Variants in HEPACAM2 observed in about 807,000 individuals in gnomAD.
HEPACAM2 encodes the protein HEPACAM family member 2, also known as mitotic kinetics regulator.
HEPACAM2 carries 49 observed loss-of-function variants against 49.6 expected under a neutral mutation model. That is an observed-to-expected ratio of 0.99 (90% CI 0.78 to 1.25). HEPACAM2 has a LOEUF of 1.25. Ranked by LOEUF, HEPACAM2 falls within the 50% of genes most tolerant of loss-of-function variation. HEPACAM2 has a pLI of 0.00. For synonymous variants in HEPACAM2, 197 were observed against 202.9 expected (o/e 0.97, Z 0.25); for missense variants, 525 against 557.2 (o/e 0.94, Z 0.58).
intron 7 of HEPACAM2, 38 bp downstream of exon 7, chr7:93,197,203 T>G (rs750609749): frequency 7.8e-6 from 12 of 1,542,914 alleles, no homozygotes; most frequent in Admixed American, 1.8e-5. Context: ...TTAACATACA[T>G]TAAAACTGAT....
chr7:93,204,032 A>C (rs538485291), intron 4 of HEPACAM2, among the ~76,000 whole-genome samples: 53 of 152,268 alleles, frequency 3.5e-4, no homozygotes, highest in Non-Finnish European at 6.6e-4. Context: ...AGTGAAATAC[A>C]TTTCCTAGAC....
In HEPACAM2 at chr7:93,215,489, T is replaced by C; in HGVS notation, c.627A>G (p.Val209=). ...TGTAATTCCCAATGTCTTCCTTGGTTACTGGAGCAATATGAAGGGTATTGT... is the reference window on the plus strand; with the variant it reads ...TGTAATTCCCAATGTCTTCCTTGGTCACTGGAGCAATATGAAGGGTATTGT... ...PQNNTLHIAP[V]TKEDIGNYSC... The change falls in exon 3 of 10, where the codon GTA becomes GTG. Residue 209 remains valine, a synonymous_variant. Coordinates refer to ENST00000394468, the MANE Select transcript of HEPACAM2 (RefSeq NM_001039372.4). The C allele has an allele frequency of 1.2e-6, 2 of 1,613,910 alleles. No homozygotes were observed. Among genetic ancestry groups the C allele is most frequent in the South Asian group, 2.2e-5 (2 of 91,076 alleles).
chr7:93,198,298 G>A (rs977160993), intron 4 of HEPACAM2, among the ~76,000 whole-genome samples: 1 of 151,914 alleles, frequency 6.6e-6, no homozygotes. Context: ...TGTTCTAAGG[G>A]TGCATGATAC....
At chr7:93,204,702 T>C (rs568999950) in intron 4 of HEPACAM2, among the ~76,000 whole-genome samples, 5 of 152,216 alleles carry the variant, frequency 3.3e-5, no homozygotes, top group African/African-American at 1.2e-4. Flanking sequence ...TTAAATTGGA[T>C]AGGTGATGAG....
intron 4 of HEPACAM2, among the ~76,000 whole-genome samples, chr7:93,200,564 G>A (rs377474266): frequency 2.0e-4 from 31 of 152,056 alleles, no homozygotes; most frequent in Non-Finnish European, 3.4e-4. Context: ...AAGTAAGATC[G>A]TTATTTACTC....
At chr7:93,195,982 T>G in intron 7 of HEPACAM2, 81 bp from the exon 8 acceptor site, 1 of 965,890 alleles carries the variant, frequency 1.0e-6, no homozygotes, top group Non-Finnish European at 1.6e-6. Context: ...AAACTTATCT[T>G]TATTGTCTGT....
intron 2 of HEPACAM2, among the ~76,000 whole-genome samples, chr7:93,217,343 A>G (rs2116709588): frequency 6.6e-6 from 1 of 152,310 alleles, no homozygotes; most frequent in Non-Finnish European, 1.5e-5. Flanking sequence ...TCAGATGAAG[A>G]AGTTTTTCTT....
chr7:93,195,818 G>A lies in HEPACAM2; in HGVS notation c.1275+10C>T, dbSNP rs1231697824. The A allele has an allele frequency of 6.2e-7, 1 of 1,609,742 alleles. No individual in the cohort carries two copies. Among genetic ancestry groups the A allele is most frequent in the Non-Finnish European group, 8.5e-7 (1 of 1,176,926 alleles). Reference sequence around the variant, plus strand: ...TACTTCTCGGTTAATCAGCCACTAGGAAAACCAACCCTGGAAACACCAGAA... The same window carrying A: ...TACTTCTCGGTTAATCAGCCACTAGAAAAACCAACCCTGGAAACACCAGAA... On this transcript the variant is annotated intron_variant, in intron 8 of 9. Transcript: ENST00000394468.
rs61024884 is a variant in HEPACAM2 at position 93,217,384 on chromosome 7, C to T, written c.431-1699G>A. On this transcript the variant is annotated intron_variant, in intron 2 of 9. Transcript: ENST00000394468. Reference sequence around the variant, plus strand: ...AAGAATTTTGGCATGGGGCCTAAAACCCTATTCAGGCTTTACTAAGTTTTT... The same window carrying T: ...AAGAATTTTGGCATGGGGCCTAAAATCCTATTCAGGCTTTACTAAGTTTTT... Among the ~76,000 whole-genome samples the T allele has an allele frequency of 8.4e-3, 1,284 of 152,222 alleles. 14 individuals are homozygous for T. Among genetic ancestry groups the T allele is most frequent in the African/African-American group, 0.029 (1,197 of 41,544 alleles).
At chr7:93,191,817 G>T (rs1302077662) in intron 9 of HEPACAM2, among the ~76,000 whole-genome samples, 1 of 152,022 alleles carries the variant, frequency 6.6e-6, no homozygotes, top group Non-Finnish European at 1.5e-5. Flanking sequence ...TGCTGACTGT[G>T]CTGTGGACCC....
intron 1 of HEPACAM2, chr7:93,219,686 G>A (rs1476434355): frequency 3.3e-6 from 2 of 598,478 alleles, no homozygotes; most frequent in South Asian, 3.3e-5. Context: ...AAAAGGAAAA[G>A]CAGAAGTTAT....
chr7:93,192,290 A>G lies in HEPACAM2; in HGVS notation c.1349T>C (p.Ile450Thr), dbSNP rs1337040133. 9.3e-6 allele frequency: 15 copies of G among 1,612,898 alleles called. No individual in the cohort carries two copies. The highest frequency in any genetic ancestry group is 1.3e-5 in the Non-Finnish European group (15 of 1,179,206). Residue 450 changes from isoleucine to threonine, a missense_variant, in exon 9 of 10, where the codon ATT (isoleucine) becomes ACT (threonine). By Grantham distance (89) the Ile-to-Thr change is moderately conservative (BLOSUM62 -1). Coordinates refer to ENST00000394468, the MANE Select transcript of HEPACAM2 (RefSeq NM_001039372.4). ...TTGCTGCTGGGCAGGGATGTGCTGAATAACTTCATACACTGTACTGTGCAA... is the reference window on the plus strand; with the variant it reads ...TTGCTGCTGGGCAGGGATGTGCTGAGTAACTTCATACACTGTACTGTGCAA... ...QDLHSTVYEV[I>T]QHIPAQQQDH...
chr7:93,230,419 A>G (rs1010758674), upstream of HEPACAM2, among the ~76,000 whole-genome samples: 1 of 152,344 alleles, frequency 6.6e-6, no homozygotes, highest in South Asian at 2.1e-4. Context: ...CCCCAAAGAA[A>G]ACAACAATAA....
rs769992345 is a variant in HEPACAM2, at chr7:93,197,304, G to A, written c.1164-26C>T. 6 of 1,609,618 alleles carry A rather than the reference G, an allele frequency of 3.7e-6. No individual in the cohort carries two copies. The East Asian group carries it at 1.1e-4, about 30-fold the overall frequency. On this transcript the variant is annotated intron_variant, in intron 6 of 9. Transcript: ENST00000394468. Reference sequence around the variant, plus strand: ...CTGAAAAGACAAAATAGGTATTTTTGTCAGGGATAATAATTGAGGAATAAG... The same window carrying A: ...CTGAAAAGACAAAATAGGTATTTTTATCAGGGATAATAATTGAGGAATAAG...
intron 1 of HEPACAM2, among the ~76,000 whole-genome samples, chr7:93,221,036 A>G (rs1015102797): frequency 6.6e-6 from 1 of 152,176 alleles, no homozygotes; most frequent in Admixed American, 6.5e-5. Flanking sequence ...GTAGACAATG[A>G]GTATAGACAA....
intron 4 of HEPACAM2, chr7:93,205,467 A>G (rs1442751319): frequency 6.6e-6 from 1 of 152,146 alleles, no homozygotes; most frequent in African/African-American, 2.4e-5. Context: ...TTGGTCAGCC[A>G]AATGTTTTGC....
chr7:93,205,288 G>C (rs1417708123), intron 4 of HEPACAM2, among the ~76,000 whole-genome samples: 1 of 152,042 alleles, frequency 6.6e-6, no homozygotes, highest in African/African-American at 2.4e-5. Flanking sequence ...GTCTTAGAAA[G>C]AGAAAAACAC....
At chr7:93,231,993 AC>A in the HEPACAM2 span, among the ~76,000 whole-genome samples, 1 of 151,236 alleles carries the variant, frequency 6.6e-6, no homozygotes, top group Non-Finnish European at 1.5e-5. Flanking sequence ...TCGTTCTCCC[AC>A]CCCGCCCCTC....
At position 93,219,632 on chromosome 7, in the gene HEPACAM2, A is replaced by G. The variant is rs1794406475; in HGVS notation, c.80-181T>C. 3 of 1,123,590 alleles carry G rather than the reference A, an allele frequency of 2.7e-6. No homozygotes were observed. The African/African-American group carries it at 4.7e-5, about 18-fold the overall frequency. The allele number at this position is 1,123,590 out of a possible 1,614,324, so 69.6% of individuals were successfully genotyped here. A position where few individuals can be genotyped will look rare whatever the true frequency, so the allele number is the denominator to read the frequency against. ...AATATTTGTCCCTGAAACCTTCTGC[A>G]CTTAAAAAACTCCACCCAAAGACCG... On this transcript the variant is annotated intron_variant, in intron 1 of 9. Coordinates refer to ENST00000394468, the MANE Select transcript of HEPACAM2 (RefSeq NM_001039372.4).
Sources: allele counts gnomAD v4.1 joint callset (sites outside exome capture counted in the v4.1 genomes callset), GRCh38; gene constraint gnomAD v4.1.1; transcripts MANE v1.5; gene names NCBI Gene and HGNC (gene_info 2026-07-23, HGNC 2026-07-21).